Variants in P4HA2 observed in about 807,000 individuals in gnomAD.
P4HA2 encodes prolyl 4-hydroxylase subunit alpha-2.
In P4HA2, 46 loss-of-function variants were observed where a neutral mutation model predicts 76.9. That is an observed-to-expected ratio of 0.60 (90% CI 0.47 to 0.76). The LOEUF (loss-of-function observed/expected upper bound fraction) is 0.76, where lower values mean the gene tolerates loss of function less well. Ranked by LOEUF, P4HA2 falls within the 30% of genes least tolerant of loss-of-function variation. The pLI is 0.00. For synonymous variants in P4HA2, 243 were observed against 254.0 expected (o/e 0.96, Z 0.41); for missense variants, 583 against 669.4 (o/e 0.87, Z 1.42).
At position 132,191,466 on chromosome 5, in the gene P4HA2, C is replaced by T. The variant is rs1018790196; in HGVS notation, c.*1544G>A. ...GGCGGAGCTTGCAGTGAGCCGAGAT[C>T]CCGCCACTGCACTCCAGCCTGGGCG... On this transcript the variant is annotated 3_prime_UTR_variant, in exon 15 of 15. Coordinates refer to ENST00000360568, the MANE Select transcript of P4HA2 (RefSeq NM_001017974.2). Among the ~76,000 whole-genome samples the T allele has an allele frequency of 2.7e-5, 4 of 148,126 alleles. No homozygotes were observed. Among genetic ancestry groups the T allele is most frequent in the Non-Finnish European group, 6.0e-5 (4 of 67,056 alleles).
chr5:132,218,574 C>G lies in P4HA2; in HGVS notation c.53G>C (p.Cys18Ser). Residue 18 changes from cysteine (C) to serine (S), a missense_variant, in exon 2 of 15, where the codon TGT becomes TCT. Physicochemically the swap from Cys to Ser is moderately radical, Grantham distance 112. Transcript: ENST00000360568. ...LLMAWFGVLS[C>S]VQAEFFTSIG... ...AGAGGTGAAGAATTCGGCCTGCACA[C>G]AGCTCAGGACACCAAACCAGGCCAT... is the stretch of plus-strand genomic sequence containing the variant. 1 of 1,613,776 alleles carries G rather than the reference C, an allele frequency of 6.2e-7. No individual in the cohort carries two copies. Among genetic ancestry groups the G allele is most frequent in the Non-Finnish European group, 8.5e-7 (1 of 1,179,680 alleles).
intron 1 of P4HA2, among the ~76,000 whole-genome samples, chr5:132,221,407 A>G (rs975924561): frequency 1.2e-4 from 19 of 152,348 alleles, no homozygotes; most frequent in African/African-American, 4.1e-4. Context: ...AAAATACTTC[A>G]CCACAGACTT....
chr5:132,198,154 GC>G lies in P4HA2; in HGVS notation c.1365+166del. 4 of 1,611,718 alleles carry G rather than the reference GC, an allele frequency of 2.5e-6. 1 individual carries two copies. The South Asian group carries it at 3.3e-5, about 13-fold the overall frequency. ...CCTGATGGGGGTGGGATATAAGGCAGCCCTCTGGACCCAGGGTCCCCTTAGG... is the reference window on the plus strand; with the variant it reads ...CCTGATGGGGGTGGGATATAAGGCAGCCTCTGGACCCAGGGTCCCCTTAGG... On this transcript the variant is annotated intron_variant, in intron 12 of 14. Coordinates refer to ENST00000360568, the MANE Select transcript of P4HA2 (RefSeq NM_001017974.2).
chr5:132,208,395 G>T, intron 7 of P4HA2, among the ~76,000 whole-genome samples: 1 of 20,556 alleles, frequency 4.9e-5, no homozygotes, highest in East Asian at 2.1e-3. Flanking sequence ...AGGGGGAGGG[G>T]AGGGGGAGGG....
chr5:132,221,719 T>C (rs1754669507), intron 1 of P4HA2, among the ~76,000 whole-genome samples: 1 of 152,230 alleles, frequency 6.6e-6, no homozygotes, highest in African/African-American at 2.4e-5. Flanking sequence ...AGAAATTCTA[T>C]AGCAATTTTT....
intron 1 of P4HA2, chr5:132,222,025 T>C (rs943297584): frequency 6.6e-6 from 1 of 152,240 alleles, no homozygotes; most frequent in Non-Finnish European, 1.5e-5. Context: ...ACCAGCAGCG[T>C]CCTTAGCTTC....
At chr5:132,200,356 T>C (rs1751312098) in intron 10 of P4HA2, 1 of 154,530 alleles carries the variant, frequency 6.5e-6, no homozygotes, top group East Asian at 1.9e-4. Flanking sequence ...AAACATGTTG[T>C]CATCCATTGC....
intron 5 of P4HA2, 44 bp from the exon 6 acceptor site, chr5:132,210,567 G>A (rs779610265): frequency 2.5e-6 from 4 of 1,608,664 alleles, no homozygotes; most frequent in Non-Finnish European, 3.4e-6. Flanking sequence ...AGAGCCTCTG[G>A]ATTAGGGAAA....
In P4HA2 at chr5:132,190,846, G is replaced by A. The variant is rs1749843791; in HGVS notation, c.*2164C>T. On this transcript the variant is annotated 3_prime_UTR_variant, in exon 15 of 15. Transcript: ENST00000360568. ...TGTGTACATATTTTAAAATTTGTATGAATAAGAACACTTGAAGAAACCTAA... is the reference window on the plus strand; with the variant it reads ...TGTGTACATATTTTAAAATTTGTATAAATAAGAACACTTGAAGAAACCTAA... Among the ~76,000 whole-genome samples the A allele has an allele frequency of 6.6e-6, 1 of 152,160 alleles. No homozygotes were observed. The highest frequency in any genetic ancestry group is 2.1e-4 in the South Asian group (1 of 4,826).
intron 7 of P4HA2, 50 bp from the exon 8 acceptor site, chr5:132,207,934 G>T: frequency 7.0e-7 from 1 of 1,432,200 alleles, no homozygotes. Context: ...CCTAATCCTC[G>T]GTCCCAGTCT....
chr5:132,216,063 G>A (rs1343883113), intron 4 of P4HA2, among the ~76,000 whole-genome samples: 1 of 150,632 alleles, frequency 6.6e-6, no homozygotes, highest in East Asian at 1.9e-4. Flanking sequence ...TAGTCAGGAG[G>A]CTGAGGCAGA....
chr5:132,191,864 AGCATGC>A lies in P4HA2; in HGVS notation c.*1140_*1145del, dbSNP rs1291740563. On this transcript the variant is annotated 3_prime_UTR_variant, in exon 15 of 15. Transcript: ENST00000360568. Reference sequence around the variant, plus strand: ...GAAATCAATTCCAGTGTTTATCAGCAGCATGCTGCCTGTATTATGGTACAGTCCTAC... The same window carrying A: ...GAAATCAATTCCAGTGTTTATCAGCATGCCTGTATTATGGTACAGTCCTAC... 9.2e-5 allele frequency: 14 copies of A among 152,264 alleles called. No homozygotes were observed. The allele number at this position is 152,264 out of a possible 1,614,324, so 9.4% of individuals were successfully genotyped here. A position where few individuals can be genotyped will look rare whatever the true frequency, so the allele number is the denominator to read the frequency against.
chr5:132,195,730 G>T, intron 12 of P4HA2: 1 of 556,482 alleles, frequency 1.8e-6, no homozygotes. Context: ...ACCCACATCC[G>T]GGCTGTCCCT....
At position 132,218,527 on chromosome 5, in the gene P4HA2, A is replaced by G. The variant is rs201797776; in HGVS notation, c.82+18T>C. On this transcript the variant is annotated intron_variant, in intron 2 of 14. Coordinates refer to ENST00000360568, the MANE Select transcript of P4HA2 (RefSeq NM_001017974.2). ...TGAGCCAAGGTGTCAGGGAGACGACAGTCCTGTTGGCACGTACCAATAGAG... is the reference window on the plus strand; with the variant it reads ...TGAGCCAAGGTGTCAGGGAGACGACGGTCCTGTTGGCACGTACCAATAGAG... 121 of 1,574,000 alleles carry G rather than the reference A, an allele frequency of 7.7e-5. No homozygotes were observed. The African/African-American group carries it at 1.6e-3, about 20-fold the overall frequency.
chr5:132,204,095 G>C lies in P4HA2; in HGVS notation c.1138C>G (p.Arg380Gly). The change falls in exon 9 of 15, where the codon CGG becomes GGG. Residue 380 changes from arginine (R) to glycine (G), a missense_variant. By Grantham distance (125) the Arg-to-Gly change is moderately radical (BLOSUM62 -2). Coordinates refer to ENST00000360568, the MANE Select transcript of P4HA2 (RefSeq NM_001017974.2). ...KTGVLTVASY[R>G]VSKSSWLEED... ...CTCTTTGCTTACCTTTTGGAAACCC[G>C]GTAGCTGGCGACAGTGAGGACTCCT... 1 of 1,613,690 alleles carries C rather than the reference G, an allele frequency of 6.2e-7. No homozygotes were observed.
At chr5:132,198,739 T>C in intron 11 of P4HA2, 140 bp downstream of exon 11, 1 of 671,354 alleles carries the variant, frequency 1.5e-6, no homozygotes, top group Middle Eastern at 4.0e-4. Flanking sequence ...TAACGAAGAG[T>C]TTCCCCTGGT....
At chr5:132,195,644 C>G (rs936139215) in intron 12 of P4HA2, 164 bp from the exon 13 acceptor site, 29 of 650,644 alleles carry the variant, frequency 4.5e-5, no homozygotes, top group Non-Finnish European at 5.6e-6. Flanking sequence ...AGGCTCTTCC[C>G]ATGCCTACTT....
At chr5:132,196,653 G>C (rs1750685675) in intron 12 of P4HA2, among the ~76,000 whole-genome samples, 1 of 152,092 alleles carries the variant, frequency 6.6e-6, no homozygotes, top group Non-Finnish European at 1.5e-5. Context: ...TTGAGGTCAG[G>C]AGCTTGAGAC....
intron 1 of P4HA2, among the ~76,000 whole-genome samples, chr5:132,224,480 C>T (rs1344949963): frequency 1.3e-5 from 2 of 152,214 alleles, no homozygotes; most frequent in Non-Finnish European, 2.9e-5. Context: ...CTGCCCAGCC[C>T]AAGTCAGCTG....
Sources: allele counts gnomAD v4.1 joint callset (sites outside exome capture counted in the v4.1 genomes callset), GRCh38; gene constraint gnomAD v4.1.1; transcripts MANE v1.5; gene names NCBI Gene and HGNC (gene_info 2026-07-23, HGNC 2026-07-21).